The following DLC1 variants were observed in gnomAD, a reference collection of about 807,000 sequenced individuals.
DLC1 encodes the protein DLC1 Rho GTPase activating protein.
Under a neutral mutation model 140.3 loss-of-function variants are expected in DLC1, and 54 were observed. That is an observed-to-expected ratio of 0.38 (90% CI 0.31 to 0.48). The LOEUF (loss-of-function observed/expected upper bound fraction) is 0.48, where lower values mean the gene tolerates loss of function less well. Among genes scored for constraint, DLC1 ranks in the 20% least tolerant of loss-of-function variants. The pLI is 0.96. For synonymous variants in DLC1, 986 were observed against 728.1 expected (o/e 1.35, Z -5.70); for missense variants, 2,536 against 1,907.0 (o/e 1.33, Z -6.14).
intron 5 of DLC1, among the ~76,000 whole-genome samples, chr8:13,284,472 C>T (rs932999442): frequency 5.9e-5 from 9 of 151,826 alleles, no homozygotes; most frequent in African/African-American, 2.2e-4. Flanking sequence ...AGTTGCAGTG[C>T]GCTGAGATCG....
chr8:13,109,429 C>T (rs1209609190), intron 7 of DLC1, among the ~76,000 whole-genome samples: 2 of 152,026 alleles, frequency 1.3e-5, no homozygotes, highest in Non-Finnish European at 2.9e-5. Context: ...TGGTGGTGTG[C>T]ACCTGCAGTC....
At chr8:13,436,362 G>T (rs148900388) in intron 2 of DLC1, among the ~76,000 whole-genome samples, 64 of 152,302 alleles carry the variant, frequency 4.2e-4, no homozygotes, top group African/African-American at 1.5e-3. Context: ...TCTCGAAAAT[G>T]ACATCATATC....
chr8:13,521,239 T>C (rs573054862), intron 1 of DLC1, among the ~76,000 whole-genome samples: 1 of 151,992 alleles, frequency 6.6e-6, no homozygotes, highest in Admixed American at 6.6e-5. Context: ...CATCACCCAC[T>C]GGGGCCTGTT....
chr8:13,381,234 C>T lies in DLC1; in HGVS notation c.1314+12319G>A, dbSNP rs531256258. ...TGTATCACATGGCATCGTGTAAGGG[C>T]CTGTCCCTAGGGTTGACTAGAGATA... On this transcript the variant is annotated intron_variant, in intron 4 of 17. Coordinates refer to ENST00000276297, the MANE Select transcript of DLC1 (RefSeq NM_182643.3). Among the ~76,000 whole-genome samples the T allele has an allele frequency of 5.3e-5, 8 of 152,292 alleles. No homozygotes were observed. The East Asian group carries it at 1.4e-3, about 26-fold the overall frequency.
chr8:13,474,110 A>G (rs1800333507), intron 2 of DLC1, among the ~76,000 whole-genome samples: 1 of 152,150 alleles, frequency 6.6e-6, no homozygotes, highest in African/African-American at 2.4e-5. Context: ...CCAGAGGCCT[A>G]GGAGGAAGAA....
chr8:13,363,415 G>A (rs1306246958), intron 4 of DLC1, among the ~76,000 whole-genome samples: 2 of 149,104 alleles, frequency 1.3e-5, no homozygotes, highest in African/African-American at 2.5e-5. Context: ...TCAGAACCTA[G>A]CATTATGCCT....
intron 4 of DLC1, among the ~76,000 whole-genome samples, chr8:13,367,583 G>C (rs923458215): frequency 2.0e-5 from 3 of 152,172 alleles, no homozygotes; most frequent in African/African-American, 4.8e-5. Context: ...ATTTGTTTTT[G>C]TGAAGGGTGT....
At chr8:13,129,726 C>G (rs777947174) in intron 5 of DLC1, among the ~76,000 whole-genome samples, 3 of 152,160 alleles carry the variant, frequency 2.0e-5, no homozygotes, top group East Asian at 1.9e-4. Context: ...GGTCTGGATG[C>G]GAGTCACACC....
intron 4 of DLC1, among the ~76,000 whole-genome samples, chr8:13,355,838 A>T (rs368027095): frequency 1.3e-5 from 2 of 151,996 alleles, no homozygotes; most frequent in Non-Finnish European, 2.9e-5. Flanking sequence ...TAATCCCAGC[A>T]CTTTGGGAGG....
At chr8:13,185,398 C>T (rs1271374129) in intron 5 of DLC1, among the ~76,000 whole-genome samples, 1 of 151,774 alleles carries the variant, frequency 6.6e-6, no homozygotes, top group Non-Finnish European at 1.5e-5. Flanking sequence ...AGCTCCATCT[C>T]CTGGGTTCAT....
chr8:13,274,628 A>G (rs1188283), intron 5 of DLC1, among the ~76,000 whole-genome samples: 66,384 of 152,034 alleles, frequency 0.44, 14,883 homozygotes, highest in East Asian at 0.79. Flanking sequence ...AAGAAAGAGA[A>G]CAACTTTCCA....
intron 2 of DLC1, among the ~76,000 whole-genome samples, chr8:13,494,644 A>G (rs1223232626): frequency 3.9e-5 from 6 of 152,130 alleles, no homozygotes; most frequent in Admixed American, 2.0e-4. Flanking sequence ...AGCCAAATCT[A>G]TAGCCTAATT....
intron 4 of DLC1, among the ~76,000 whole-genome samples, chr8:13,357,454 C>T (rs1182965693): frequency 2.6e-5 from 4 of 152,206 alleles, no homozygotes. Flanking sequence ...TGAGCCCCAG[C>T]ACGTTGTGAG....
At chr8:13,225,611 A>T (rs1436444579) in intron 5 of DLC1, among the ~76,000 whole-genome samples, 2 of 149,036 alleles carry the variant, frequency 1.3e-5, no homozygotes, top group Non-Finnish European at 3.0e-5. Flanking sequence ...CTTTTTATTT[A>T]TTTAATTTTT....
chr8:13,132,848 C>T (rs890522001), intron 5 of DLC1: 1 of 1,451,634 alleles, frequency 6.9e-7, no homozygotes, highest in South Asian at 1.2e-5. Context: ...GAACAGGCAC[C>T]GACTTGACAA....
At chr8:13,392,997 C>A (rs1464370481) in intron 4 of DLC1, among the ~76,000 whole-genome samples, 1 of 152,072 alleles carries the variant, frequency 6.6e-6, no homozygotes, top group African/African-American at 2.4e-5. Flanking sequence ...TTTTATATAT[C>A]TCTGCATATA....
intron 2 of DLC1, among the ~76,000 whole-genome samples, chr8:13,431,773 C>T (rs936162435): frequency 5.9e-5 from 9 of 151,752 alleles, no homozygotes; most frequent in Non-Finnish European, 1.0e-4. Context: ...GGAAAGGGAA[C>T]GTGGGTGGGG....
chr8:13,152,001 T>C lies in DLC1; in HGVS notation c.1349-36344A>G, dbSNP rs540792423. On this transcript the variant is annotated intron_variant, in intron 5 of 17. Transcript: ENST00000276297. ...CCCAGAAAAATATGGTTGTGTTCTA[T>C]CTATTGCTGTGTCATATTATGGATT... Among the ~76,000 whole-genome samples the C allele has an allele frequency of 1.2e-4, 18 of 152,340 alleles. No individual in the cohort carries two copies. In the South Asian group the frequency reaches 3.7e-3, roughly 32 times the overall value.
chr8:13,100,380 T>C lies in DLC1; in HGVS notation c.1957A>G (p.Met653Val), dbSNP rs143161954. ...TTGGCAGTTTTTTCGTGGCCTTTCA[T>C]GCTGAAGCTGAAGCTGGACAGTTCC... ...PKELSSFSFS[M>V]KGHEKTAKSK... is the part of the protein sequence containing the mutation. The change falls in exon 9 of 18, where the codon ATG becomes GTG. Residue 653 changes from methionine (M) to valine (V), a missense_variant. Met to Val is a conservative substitution (Grantham distance 21). Coordinates refer to ENST00000276297, the MANE Select transcript of DLC1 (RefSeq NM_182643.3). 4 of 1,614,210 alleles carry C rather than the reference T, an allele frequency of 2.5e-6. No homozygotes were observed. Among genetic ancestry groups the C allele is most frequent in the African/African-American group, 2.7e-5 (2 of 75,070 alleles).
Sources: gnomAD v4.1 joint callset for allele counts (sites outside exome capture counted in the v4.1 genomes callset) on GRCh38, gnomAD v4.1.1 for gene constraint, MANE v1.5 for transcripts, NCBI Gene and HGNC (gene_info 2026-07-23, HGNC 2026-07-21) for gene names.